Variants in KNL1 observed in about 807,000 individuals in gnomAD.
The protein encoded by KNL1 is kinetochore scaffold 1, also known as outer kinetochore KNL1 complex subunit KNL1.
KNL1 carries 66 observed loss-of-function variants against 201.3 expected under a neutral mutation model. The observed-to-expected ratio is 0.33, with a 90% CI of 0.27 to 0.40. The LOEUF (loss-of-function observed/expected upper bound fraction) is 0.40, where lower values mean the gene tolerates loss of function less well. Among genes scored for constraint, KNL1 ranks in the 10% least tolerant of loss-of-function variants. The pLI is 1.00. For synonymous variants in KNL1, 895 were observed against 899.2 expected (o/e 1.00, Z 0.08); for missense variants, 2,815 against 2,690.5 (o/e 1.05, Z -1.02).
At chr15:40,634,088 G>A (rs1012976247) in intron 13 of KNL1, among the ~76,000 whole-genome samples, 1 of 150,366 alleles carries the variant, frequency 6.7e-6, no homozygotes, top group Non-Finnish European at 1.5e-5. Flanking sequence ...TTAGGTTTTT[G>A]TTGTTGTTGT....
chr15:40,658,553 A>G (rs1462798280), intron 24 of KNL1, among the ~76,000 whole-genome samples: 2 of 107,200 alleles, frequency 1.9e-5, no homozygotes, highest in Admixed American at 9.8e-5. Flanking sequence ...AAAAGAGAGA[A>G]TCTGTCTCAA....
chr15:40,627,066 T>C (rs938714314), intron 10 of KNL1, among the ~76,000 whole-genome samples: 1 of 152,060 alleles, frequency 6.6e-6, no homozygotes, highest in Non-Finnish European at 1.5e-5. Context: ...GGCTAATCTT[T>C]GTATTTTCAG....
At chr15:40,658,576 A>G (rs201086397) in intron 24 of KNL1, among the ~76,000 whole-genome samples, 1,579 of 147,664 alleles carry the variant, frequency 0.011, 55 homozygotes, top group East Asian at 0.095. Context: ...AAAAAAAAAA[A>G]AAAGAAAGAA....
At chr15:40,626,327 CTT>C (rs540280443) in intron 10 of KNL1, among the ~76,000 whole-genome samples, 20 of 135,288 alleles carry the variant, frequency 1.5e-4, no homozygotes, top group Admixed American at 3.0e-4. Flanking sequence ...TAATTTCTTT[CTT>C]TTTTTTTTTT....
At chr15:40,651,355 A>G (rs1893557255) in intron 19 of KNL1, 116 bp from the exon 20 acceptor site, 2 of 486,238 alleles carry the variant, frequency 4.1e-6, no homozygotes, top group Non-Finnish European at 3.5e-6. Context: ...ACCTAACATT[A>G]TTACCTCAAT....
At chr15:40,642,261 C>T (rs1237718064) in intron 14 of KNL1, among the ~76,000 whole-genome samples, 1 of 151,836 alleles carries the variant, frequency 6.6e-6, no homozygotes, top group African/African-American at 2.4e-5. Flanking sequence ...TAGCCGGGCG[C>T]GGTAGCAGGC....
Position 40,640,968 on chromosome 15 carries a change from C to T in KNL1, c.5739C>T (p.Tyr1913=). ...ACCTGATGTTAAGTCAATATGTTTA[C>T]CGACCCAAGATACAGATTTATAGAG... ...PEDLMLSQYV[Y]RPKIQIYRED... is the part of the protein sequence containing the mutation. The change falls in exon 14 of 26, where the codon TAC becomes TAT. Residue 1913 remains tyrosine, a synonymous_variant. Coordinates refer to ENST00000399668, the MANE Select transcript of KNL1 (RefSeq NM_144508.5). The T allele has an allele frequency of 1.2e-6, 2 of 1,613,346 alleles. No homozygotes were observed.
chr15:40,603,100 T>TA, intron 2 of KNL1, 134 bp downstream of exon 2: 12 of 570,332 alleles, frequency 2.1e-5, no homozygotes, highest in Admixed American at 3.4e-5. Flanking sequence ...TTTTTTTTTT[T>TA]AAATTATACT....
chr15:40,606,373 AATT>A lies in KNL1; in HGVS notation c.76-19_76-17del. 1 of 1,478,718 alleles carries A rather than the reference AATT, an allele frequency of 6.8e-7. No individual in the cohort carries two copies. Among genetic ancestry groups the A allele is most frequent in the East Asian group, 2.3e-5 (1 of 44,120 alleles). The allele number at this position is 1,478,718 out of a possible 1,614,324, so 91.6% of individuals were successfully genotyped here. On this transcript the variant is annotated splice_polypyrimidine_tract_variant and intron_variant, in intron 3 of 25. Coordinates refer to ENST00000399668, the MANE Select transcript of KNL1 (RefSeq NM_144508.5). ...TAGATATGCCAGATTTTTTTTGAATAATTCTAATTGTTACCCTAGATATTGAAA... is the reference window on the plus strand; with the variant it reads ...TAGATATGCCAGATTTTTTTTGAATACTAATTGTTACCCTAGATATTGAAA...
rs750237636 is a variant in KNL1 at position 40,620,767 on chromosome 15, A to T, written c.503A>T (p.Asn168Ile). 5 of 1,613,422 alleles carry T rather than the reference A, an allele frequency of 3.1e-6. No homozygotes were observed. In the South Asian group the frequency reaches 5.5e-5, roughly 18 times the overall value. The change falls in exon 10 of 26, where the codon AAT becomes ATT. Residue 168 changes from asparagine (N) to isoleucine (I), a missense_variant. By Grantham distance (149) the Asn-to-Ile change is moderately radical. This residue lies in a region of KNL1 where 2,464 missense variants were observed against 2,291.7 expected (regional missense o/e 1.08). Coordinates refer to ENST00000399668, the MANE Select transcript of KNL1 (RefSeq NM_144508.5). The part of the protein sequence containing the change: ...TVMITKGLLD[N>I]PISEKSTKID... ...ATGATTACCAAAGGCCTTTTAGATAATCCCATAAGTGAAAAGTCCACCAAG... is the reference window on the plus strand; with the variant it reads ...ATGATTACCAAAGGCCTTTTAGATATTCCCATAAGTGAAAAGTCCACCAAG...
chr15:40,623,010 A>G lies in KNL1; in HGVS notation c.2746A>G (p.Ile916Val), dbSNP rs747451754. The change falls in exon 10 of 26, where the codon ATC becomes GTC. Residue 916 changes from isoleucine to valine, a missense_variant. Coordinates refer to ENST00000399668, the MANE Select transcript of KNL1 (RefSeq NM_144508.5). Reference sequence around the variant, plus strand: ...TACATGTAGGCAGGATGACATGGAGATCACTAGAAGTCACACAACTGCCTT... The same window carrying G: ...TACATGTAGGCAGGATGACATGGAGGTCACTAGAAGTCACACAACTGCCTT... ...LYTCRQDDME[I>V]TRSHTTALEC... The G allele has an allele frequency of 1.5e-5, 25 of 1,613,888 alleles. 1 individual carries two copies. The highest frequency in any genetic ancestry group is 1.5e-4 in the Admixed American group (9 of 59,988).
At chr15:40,617,011 C>A (rs1377785642) in intron 8 of KNL1, among the ~76,000 whole-genome samples, 1 of 152,118 alleles carries the variant, frequency 6.6e-6, no homozygotes, top group Non-Finnish European at 1.5e-5. Context: ...TGAGGTGGTG[C>A]GATCTTGGCT....
chr15:40,645,586 C>A (rs1893360230), intron 15 of KNL1, 70 bp from the exon 16 acceptor site: 1 of 726,690 alleles, frequency 1.4e-6, no homozygotes, highest in South Asian at 2.7e-5. Context: ...AAAGCCTAGC[C>A]TTCCTAGACC....
In KNL1 at chr15:40,605,101, C is replaced by CT; in HGVS notation, c.36-4dup. 3 of 1,427,260 alleles carry CT rather than the reference C, an allele frequency of 2.1e-6. No homozygotes were observed. Among genetic ancestry groups the CT allele is most frequent in the Non-Finnish European group, 3.0e-6 (3 of 1,012,364 alleles). The allele number at this position is 1,427,260 out of a possible 1,614,324, so 88.4% of individuals were successfully genotyped here. A position where few individuals can be genotyped will look rare whatever the true frequency, so the allele number is the denominator to read the frequency against. On this transcript the variant is annotated splice_polypyrimidine_tract_variant and intron_variant, in intron 2 of 25. Coordinates refer to ENST00000399668, the MANE Select transcript of KNL1 (RefSeq NM_144508.5). ...TCACTGTGTATATAATTTTGTTTTC[C>CT]TTTTTCAGTGACAATATAGAGAGAC...
At chr15:40,618,938 T>C (rs374234475) in intron 8 of KNL1, 21 bp from the exon 9 acceptor site, 383 of 1,554,038 alleles carry the variant, frequency 2.5e-4, no homozygotes, top group Non-Finnish European at 3.2e-4. Flanking sequence ...CTGACTACAG[T>C]TTTTTCTTTT....
intron 24 of KNL1, 113 bp from the exon 25 acceptor site, chr15:40,659,226 T>C (rs1454457457): frequency 2.5e-6 from 2 of 802,656 alleles, no homozygotes; most frequent in Non-Finnish European, 1.8e-6. Context: ...AATTGTGCAC[T>C]GCACTCCAGC....
chr15:40,628,797 A>T, intron 12 of KNL1, 119 bp downstream of exon 12: 2 of 562,810 alleles, frequency 3.6e-6, no homozygotes, highest in Non-Finnish European at 6.2e-6. Flanking sequence ...AAATATTTCA[A>T]ATATACAGAA....
chr15:40,640,593 AAAATT>A (rs1567017477), intron 13 of KNL1, among the ~76,000 whole-genome samples: 1 of 152,224 alleles, frequency 6.6e-6, no homozygotes, highest in Admixed American at 6.5e-5. Flanking sequence ...CTTAAAAAAA[AAAATT>A]AAAAAGGGGT....
chr15:40,632,757 T>C (rs938847799), intron 13 of KNL1, among the ~76,000 whole-genome samples: 1 of 152,162 alleles, frequency 6.6e-6, no homozygotes, highest in Non-Finnish European at 1.5e-5. Context: ...TGGTAGCTCA[T>C]GCCTGTAATC....
Sources: allele counts gnomAD v4.1 joint callset (sites outside exome capture counted in the v4.1 genomes callset), GRCh38; gene constraint gnomAD v4.1.1; regional missense constraint gnomAD v4.1.1; transcripts MANE v1.5; gene names NCBI Gene and HGNC (gene_info 2026-07-23, HGNC 2026-07-21).